The following RARB variants were observed in gnomAD, a reference collection of about 807,000 sequenced individuals.
RARB encodes the protein HBV-activated protein.
RARB carries 17 observed loss-of-function variants against 51.9 expected under a neutral mutation model. The ratio of observed to expected loss-of-function variants is 0.33; its 90% CI spans 0.22 to 0.49. The LOEUF (loss-of-function observed/expected upper bound fraction) is 0.49. RARB is among the 20% of genes least tolerant of loss of function. RARB has a pLI of 0.99. For missense variants in RARB, 369 were observed against 550.8 expected, an observed-to-expected ratio of 0.67 and a Z score of 3.30; for synonymous variants, 215 against 195.4, an observed-to-expected ratio of 1.10 and a Z score of -0.84.
At chr3:25,015,821 G>A (rs974233789) in intron 2 of RARB, among the ~76,000 whole-genome samples, 1 of 152,180 alleles carries the variant, frequency 6.6e-6, no homozygotes, top group Admixed American at 6.5e-5. Context: ...AGCACATAGT[G>A]AGAACAAATA....
intron 2 of RARB, among the ~76,000 whole-genome samples, chr3:25,039,999 TG>T (rs1386040694): frequency 6.6e-6 from 1 of 152,198 alleles, no homozygotes; most frequent in Non-Finnish European, 1.5e-5. Context: ...AGATGTTAGC[TG>T]GGGAAAGTCA....
intron 4 of RARB, among the ~76,000 whole-genome samples, chr3:25,143,722 T>C (rs571723963): frequency 8.5e-5 from 13 of 152,210 alleles, no homozygotes; most frequent in East Asian, 1.9e-4. Flanking sequence ...ATGCGTACTT[T>C]GGAATTAGAC....
At chr3:25,571,783 T>C (rs1700722165) in intron 4 of RARB, among the ~76,000 whole-genome samples, 1 of 152,094 alleles carries the variant, frequency 6.6e-6, no homozygotes, top group Non-Finnish European at 1.5e-5. Context: ...TGTGAAATAG[T>C]TGGGAGGATG....
chr3:24,873,331 A>G (rs959248079), intron 2 of RARB, among the ~76,000 whole-genome samples: 1 of 152,180 alleles, frequency 6.6e-6, no homozygotes. Context: ...TAACTTCGTT[A>G]ATGGTTATAG....
At chr3:25,210,457 G>A (rs766464486) in intron 5 of RARB, among the ~76,000 whole-genome samples, 1 of 147,948 alleles carries the variant, frequency 6.8e-6, no homozygotes, top group African/African-American at 2.5e-5. Context: ...ATATATGGGT[G>A]TTTTCTCACC....
intron 5 of RARB, among the ~76,000 whole-genome samples, chr3:25,306,938 AG>A: frequency 6.6e-6 from 1 of 152,218 alleles, no homozygotes; most frequent in East Asian, 1.9e-4. Context: ...TTCCTTGCCC[AG>A]GCTTGTTAGG....
intron 5 of RARB, among the ~76,000 whole-genome samples, chr3:25,258,603 G>A (rs1425860188): frequency 6.6e-6 from 1 of 152,056 alleles, no homozygotes; most frequent in Admixed American, 6.6e-5. Context: ...TGGTGTCTTG[G>A]TCTGTTTTCT....
chr3:25,257,377 G>C (rs1262026751), intron 5 of RARB, among the ~76,000 whole-genome samples: 1 of 151,950 alleles, frequency 6.6e-6, no homozygotes, highest in Non-Finnish European at 1.5e-5. Flanking sequence ...GTATGAACAG[G>C]GCATTTAGCC....
intron 5 of RARB, among the ~76,000 whole-genome samples, chr3:25,209,376 G>C (rs182705796): frequency 2.6e-5 from 4 of 152,216 alleles, no homozygotes; most frequent in African/African-American, 9.6e-5. Flanking sequence ...AGACACTACA[G>C]AGTTTATTCT....
At chr3:25,238,773 G>A (rs1702362925) in intron 5 of RARB, among the ~76,000 whole-genome samples, 1 of 152,118 alleles carries the variant, frequency 6.6e-6, no homozygotes, top group Middle Eastern at 3.4e-3. Flanking sequence ...ACGAGGTCAG[G>A]ATCAAGACCA....
At chr3:25,332,317 G>T (rs1209895883) in intron 5 of RARB, among the ~76,000 whole-genome samples, 1 of 151,992 alleles carries the variant, frequency 6.6e-6, no homozygotes, top group Non-Finnish European at 1.5e-5. Flanking sequence ...CATCAAAAAG[G>T]TTATCCACCA....
intron 5 of RARB, among the ~76,000 whole-genome samples, chr3:25,360,708 A>G (rs1047482775): frequency 6.6e-6 from 1 of 150,934 alleles, no homozygotes; most frequent in Non-Finnish European, 1.5e-5. Context: ...TTGACTGTAA[A>G]TTTCTCCTTC....
intron 5 of RARB, among the ~76,000 whole-genome samples, chr3:25,278,136 G>C (rs1703436636): frequency 6.6e-6 from 1 of 152,132 alleles, no homozygotes; most frequent in African/African-American, 2.4e-5. Context: ...CGGCCATTAT[G>C]AGCATTGTAG....
At chr3:24,954,038 CTT>C (rs1301405621) in intron 2 of RARB, among the ~76,000 whole-genome samples, 4 of 152,102 alleles carry the variant, frequency 2.6e-5, no homozygotes, top group African/African-American at 4.8e-5. Context: ...TCCTTTCTCT[CTT>C]TCTCCTTATT....
chr3:25,151,915 A>C (rs1049451637), intron 4 of RARB, among the ~76,000 whole-genome samples: 3 of 116,032 alleles, frequency 2.6e-5, no homozygotes, highest in Non-Finnish European at 5.9e-5. Context: ...CCCTTTTTAT[A>C]GATTTTTTTT....
upstream of RARB, among the ~76,000 whole-genome samples, chr3:25,426,362 CT>C (rs1202606978): frequency 2.0e-5 from 3 of 152,212 alleles, no homozygotes; most frequent in African/African-American, 7.2e-5. Context: ...TTGCCCTGAA[CT>C]TTTCAATAGC....
chr3:25,066,643 C>T (rs1335187695), intron 3 of RARB, among the ~76,000 whole-genome samples: 5 of 151,882 alleles, frequency 3.3e-5, no homozygotes, highest in Non-Finnish European at 5.9e-5. Flanking sequence ...CTTTCTCTCT[C>T]TTACCCTGTC....
At chr3:25,537,371 T>C (rs1182846892) in intron 3 of RARB, among the ~76,000 whole-genome samples, 2 of 152,354 alleles carry the variant, frequency 1.3e-5, no homozygotes, top group Admixed American at 6.5e-5. Context: ...ACTCTGCTTT[T>C]CAAAATTGGT....
intron 2 of RARB, among the ~76,000 whole-genome samples, chr3:25,479,201 A>T (rs1422498107): frequency 6.6e-6 from 1 of 152,074 alleles, no homozygotes; most frequent in African/African-American, 2.4e-5. Context: ...CGTGAAGTAC[A>T]GTGTGTCAAG....
Sources: allele counts gnomAD v4.1 joint callset (sites outside exome capture counted in the v4.1 genomes callset), GRCh38; gene constraint gnomAD v4.1.1; transcripts MANE v1.5; gene names NCBI Gene and HGNC (gene_info 2026-07-23, HGNC 2026-07-21).